The following KCNQ1 variants were observed in gnomAD, a reference collection of about 807,000 sequenced individuals.
KCNQ1 encodes potassium voltage-gated channel subfamily Q member 1.
Under a neutral mutation model 72.4 loss-of-function variants are expected in KCNQ1, and 49 were observed. That is an observed-to-expected ratio of 0.68 (90% CI 0.54 to 0.86). The LOEUF is 0.86. KCNQ1 is among the 40% of genes least tolerant of loss of function. KCNQ1 has a pLI of 0.00. For synonymous variants in KCNQ1, 450 were observed against 412.6 expected, an observed-to-expected ratio of 1.09 and a Z score of -1.10; for missense variants, 790 against 945.1, an observed-to-expected ratio of 0.84 and a Z score of 2.15.
chr11:2,825,848 AAG>A (rs563606409), intron 15 of KCNQ1, among the ~76,000 whole-genome samples: 23 of 152,208 alleles, frequency 1.5e-4, no homozygotes, highest in African/African-American at 4.8e-4. Context: ...GTTTGGAGTA[AAG>A]AGAGAGGCAG....
Position 2,682,190 on chromosome 11 carries a change from C to G in KCNQ1, c.1514+20109C>G, listed in dbSNP as rs2098872220. The G allele has an allele frequency of 2.5e-6, 1 of 398,502 alleles. No homozygotes were observed. The highest frequency in any genetic ancestry group is 2.1e-5 in the African/African-American group (1 of 48,618). The allele number at this position is 398,502 out of a possible 1,614,324, so 24.7% of individuals were successfully genotyped here. A position where few individuals can be genotyped will look rare whatever the true frequency, so the allele number is the denominator to read the frequency against. Reference sequence around the variant, plus strand: ...AAGCTCTCTCCTGACCTTCTCTCCCCTTCCCCAGGCCAGGACTGTCTTATC... The same window carrying G: ...AAGCTCTCTCCTGACCTTCTCTCCCGTTCCCCAGGCCAGGACTGTCTTATC... On this transcript the variant is annotated intron_variant, in intron 11 of 15. Transcript: ENST00000155840. This position sits in a 1 kb window ranked among gnomAD's most constrained non-coding sequence, Gnocchi z 5.8.
rs926405903 is a variant in KCNQ1 at position 2,541,267 on chromosome 11, G to A, written c.477+13249G>A. 2.0e-5 allele frequency among the ~76,000 whole-genome samples: 3 copies of A among 152,256 alleles called. No individual in the cohort carries two copies. The highest frequency in any genetic ancestry group is 2.9e-5 in the Non-Finnish European group (2 of 68,050). ...GCGCAGGCCAGCCCCTTTTCCTGGC[G>A]GGGTGATGATCTGGTCAGTTTCCGA... is the stretch of plus-strand genomic sequence containing the variant. On this transcript the variant is annotated intron_variant, in intron 2 of 15. Transcript: ENST00000155840. This position sits in a 1 kb window ranked among gnomAD's most constrained non-coding sequence, Gnocchi z 4.8.
chr11:2,717,893 G>A (rs750508675), intron 11 of KCNQ1, among the ~76,000 whole-genome samples: 31 of 152,330 alleles, frequency 2.0e-4, no homozygotes, highest in Non-Finnish European at 4.3e-4. Context: ...CCAGGTTTGA[G>A]CCCCCCGGGG....
rs1848919835 is a variant in KCNQ1 at position 2,608,558 on chromosome 11, C to A, written c.1393+19704C>A. On this transcript the variant is annotated intron_variant, in intron 10 of 15. Transcript: ENST00000155840. This position sits in a 1 kb window ranked among gnomAD's most constrained non-coding sequence, Gnocchi z 4.6. The stretch of plus-strand genomic sequence containing the variant: ...TGGTGTAATCATAGCTCACTGTAAC[C>A]TCGATCTCCTAGTCTCAAGTGATCC... 1 of 398,574 alleles carries A rather than the reference C, an allele frequency of 2.5e-6. No homozygotes were observed. The highest frequency in any genetic ancestry group is 3.6e-5 in the East Asian group (1 of 28,070). The allele number at this position is 398,574 out of a possible 1,614,324, so 24.7% of individuals were successfully genotyped here.
At chr11:2,760,516 G>A (rs1301336033) in intron 11 of KCNQ1, among the ~76,000 whole-genome samples, 5 of 152,310 alleles carry the variant, frequency 3.3e-5, no homozygotes, top group African/African-American at 9.6e-5. Context: ...TGGGCAGCAC[G>A]TCCCTTCCTC....
At position 2,498,985 on chromosome 11, in the gene KCNQ1, C is replaced by T. The variant is rs939087414; in HGVS notation, c.387-28943C>T. Among the ~76,000 whole-genome samples the T allele has an allele frequency of 3.3e-5, 5 of 152,142 alleles. No homozygotes were observed. The highest frequency in any genetic ancestry group is 4.8e-5 in the African/African-American group (2 of 41,428). ...CCTCGGCTGGGGGAGGGAGGTCTCC[C>T]GGCTCCTTGCACTTCCCAGGTGAGG... On this transcript the variant is annotated intron_variant, in intron 1 of 15. Coordinates refer to ENST00000155840, the MANE Select transcript of KCNQ1 (RefSeq NM_000218.3). This position sits in a 1 kb window ranked among gnomAD's most constrained non-coding sequence, Gnocchi z 4.8.
chr11:2,743,656 G>A (rs988379980), intron 11 of KCNQ1, among the ~76,000 whole-genome samples: 11 of 152,218 alleles, frequency 7.2e-5, no homozygotes, highest in African/African-American at 2.7e-4. Flanking sequence ...ACTGATTCCT[G>A]GAGTCTGCAC....
rs889016447 is a variant in KCNQ1, at chr11:2,734,653, G to A, written c.1515-34191G>A. Among the ~76,000 whole-genome samples, 8 of 152,028 alleles carry A rather than the reference G, an allele frequency of 5.3e-5. No homozygotes were observed. Among genetic ancestry groups the A allele is most frequent in the African/African-American group, 1.9e-4 (8 of 41,384 alleles). ...TGGAGAGTAGGAGCAGGTCTCGGGG[G>A]TAGCTTCCTGAAGAGATGAGTCAGG... On this transcript the variant is annotated intron_variant, in intron 11 of 15. Coordinates refer to ENST00000155840, the MANE Select transcript of KCNQ1 (RefSeq NM_000218.3). This position sits in a 1 kb window ranked among gnomAD's most constrained non-coding sequence, Gnocchi z 7.0.
At chr11:2,576,661 C>A (rs1305116108) in intron 6 of KCNQ1, among the ~76,000 whole-genome samples, 1 of 152,254 alleles carries the variant, frequency 6.6e-6, no homozygotes, top group Admixed American at 6.5e-5. Context: ...TCCAGAAATT[C>A]CCGCCTCCCT....
Position 2,743,667 on chromosome 11 carries a change from A to G in KCNQ1, c.1515-25177A>G, listed in dbSNP as rs560722634. ...TCTTACTGATTCCTGGAGTCTGCACAGCTACATAGGGTCAGATTCACGACC... is the reference window on the plus strand; with the variant it reads ...TCTTACTGATTCCTGGAGTCTGCACGGCTACATAGGGTCAGATTCACGACC... On this transcript the variant is annotated intron_variant, in intron 11 of 15. Transcript: ENST00000155840. Among the ~76,000 whole-genome samples, 4 of 152,330 alleles carry G rather than the reference A, an allele frequency of 2.6e-5. 1 individual carries two copies. In the South Asian group the frequency reaches 8.3e-4, roughly 32 times the overall value.
Position 2,704,218 on chromosome 11 carries a change from C to T in KCNQ1, c.1514+42137C>T, listed in dbSNP as rs1026361742. ...TGGTCATAGGTTTCTGCTGACCCTG[C>T]AGCCCATGTCCTTGTTCCAGAATCT... On this transcript the variant is annotated intron_variant, in intron 11 of 15. Transcript: ENST00000155840. This position sits in a 1 kb window ranked among gnomAD's most constrained non-coding sequence, Gnocchi z 4.3. Among the ~76,000 whole-genome samples the T allele has an allele frequency of 1.3e-5, 2 of 152,262 alleles. No individual in the cohort carries two copies. The highest frequency in any genetic ancestry group is 4.8e-5 in the African/African-American group (2 of 41,472).
chr11:2,771,759 C>T (rs1394350770), intron 12 of KCNQ1, among the ~76,000 whole-genome samples: 1 of 152,106 alleles, frequency 6.6e-6, no homozygotes, highest in Non-Finnish European at 1.5e-5. Context: ...GAGAGATCAT[C>T]TGCGCCAGCC....
chr11:2,539,760 G>T (rs1847793868), intron 2 of KCNQ1, among the ~76,000 whole-genome samples: 1 of 152,234 alleles, frequency 6.6e-6, no homozygotes, highest in Non-Finnish European at 1.5e-5. Context: ...CTCCATTCGG[G>T]TTTAGTGGGA....
intron 10 of KCNQ1, chr11:2,632,069 G>C (rs1849363284): frequency 5.1e-6 from 2 of 395,674 alleles, no homozygotes; most frequent in Non-Finnish European, 8.9e-6. Flanking sequence ...TGTAGTCCCA[G>C]CTACTTGGGA....
chr11:2,662,442 G>A (rs1373309808), intron 11 of KCNQ1: 1 of 494,240 alleles, frequency 2.0e-6, no homozygotes, highest in Non-Finnish European at 3.5e-6. Flanking sequence ...ATGGAACCCT[G>A]GCCAAAGCCA....
At chr11:2,771,544 G>T (rs1204487105) in intron 12 of KCNQ1, 1 of 152,228 alleles carries the variant, frequency 6.6e-6, no homozygotes, top group Non-Finnish European at 1.5e-5. Context: ...ATTTTGAGGT[G>T]ATGAGGAAGG....
chr11:2,648,194 G>T, intron 10 of KCNQ1: 1 of 389,264 alleles, frequency 2.6e-6, no homozygotes, highest in South Asian at 1.4e-4. Context: ...GACAGAGTGA[G>T]ACCGTGTCTC....
chr11:2,746,197 G>A lies in KCNQ1; in HGVS notation c.1515-22647G>A, dbSNP rs568201159. ...GAGGCACCATGCCCAGCCTCTTGCC[G>A]TCATTTTTTTTATTTTAAATAAACT... is the stretch of plus-strand genomic sequence containing the variant. On this transcript the variant is annotated intron_variant, in intron 11 of 15. Coordinates refer to ENST00000155840, the MANE Select transcript of KCNQ1 (RefSeq NM_000218.3). The surrounding 1 kb of genome is among the most constrained non-coding windows in gnomAD (Gnocchi z 5.9). 4.6e-5 allele frequency among the ~76,000 whole-genome samples: 7 copies of A among 152,194 alleles called. No individual in the cohort carries two copies. The South Asian group carries it at 6.2e-4, about 14-fold the overall frequency.
chr11:2,743,428 A>T (rs969475739), intron 11 of KCNQ1, among the ~76,000 whole-genome samples: 3 of 152,326 alleles, frequency 2.0e-5, no homozygotes, highest in East Asian at 3.9e-4. Flanking sequence ...GGTAGAAATT[A>T]TCCCAGCTTT....
Sources: allele counts gnomAD v4.1 joint callset (sites outside exome capture counted in the v4.1 genomes callset), GRCh38; gene constraint gnomAD v4.1.1; non-coding constraint Gnocchi (gnomAD v3.1); transcripts MANE v1.5; gene names NCBI Gene and HGNC (gene_info 2026-07-23, HGNC 2026-07-21).